Variants in DEFB107B observed in about 807,000 individuals in gnomAD.
DEFB107B encodes beta-defensin 107.
intron 1 of DEFB107B, among the ~76,000 whole-genome samples, chr8:7,499,188 T>C (rs1206443263): frequency 3.9e-5 from 1 of 25,872 alleles, no homozygotes; most frequent in African/African-American, 7.2e-5. Flanking sequence ...GTCCCAGTGA[T>C]GCTCAGAGTC....
At chr8:7,507,857 T>C (rs906735377) in intron 1 of DEFB107B, among the ~76,000 whole-genome samples, 1 of 145,948 alleles carries the variant, frequency 6.9e-6, no homozygotes, top group African/African-American at 2.7e-5. Context: ...TAAGTATTCA[T>C]GTGTCCAGCT....
rs1275629162 is a variant in DEFB107B at position 7,496,613 on chromosome 8, G to C, written c.70+610G>C. On this transcript the variant is annotated intron_variant, in intron 1 of 1. Transcript: ENST00000355602. ...CCGCGCCTGGCCAGCATATTCTAAA[G>C]TGATTTCTTTAAAATGAAAAAAAAA... is the stretch of plus-strand genomic sequence containing the variant. 8.8e-5 allele frequency among the ~76,000 whole-genome samples: 11 copies of C among 124,956 alleles called. No individual in the cohort carries two copies. The East Asian group carries it at 2.4e-3, about 27-fold the overall frequency. 82.0% of individuals were successfully genotyped at this position (124,956 alleles called of 152,430 possible). A position where few individuals can be genotyped will look rare whatever the true frequency, so the allele number is the denominator to read the frequency against.
chr8:7,497,505 A>G (rs1393061462), intron 1 of DEFB107B, among the ~76,000 whole-genome samples: 2 of 152,134 alleles, frequency 1.3e-5, no homozygotes, highest in Admixed American at 6.5e-5. Context: ...AATAGGCAAG[A>G]CTAGAACTAA....
chr8:7,498,680 C>G (rs2128882986), intron 1 of DEFB107B, among the ~76,000 whole-genome samples: 2 of 16,764 alleles, frequency 1.2e-4, no homozygotes, highest in Middle Eastern at 0.028. Context: ...TGAGTTGACA[C>G]AGCACACGTT....
At position 7,496,383 on chromosome 8, in the gene DEFB107B, T is replaced by C. The variant is rs1187794760; in HGVS notation, c.70+380T>C. 6.8e-5 allele frequency among the ~76,000 whole-genome samples: 7 copies of C among 103,554 alleles called. No homozygotes were observed. The East Asian group carries it at 2.4e-3, about 35-fold the overall frequency. 67.9% of individuals were successfully genotyped at this position (103,554 alleles called of 152,430 possible). On this transcript the variant is annotated intron_variant, in intron 1 of 1. Transcript: ENST00000355602. ...GGTGCGATCTTGGCTCACTGCAAGC[T>C]CTGCCTCCCAGGTTCATGCCATTCT...
chr8:7,506,928 C>T (rs138225411), intron 1 of DEFB107B, among the ~76,000 whole-genome samples: 458 of 15,164 alleles, frequency 0.03, 202 homozygotes, highest in African/African-American at 0.063. Context: ...AGACCCTTTA[C>T]GGGTATCGGG....
At chr8:7,507,740 T>C (rs1291123901) in intron 1 of DEFB107B, among the ~76,000 whole-genome samples, 2 of 133,552 alleles carry the variant, frequency 1.5e-5, no homozygotes, top group African/African-American at 6.5e-5. Flanking sequence ...TAGAACCTGA[T>C]TAAGATTACA....
At chr8:7,496,669 A>T in intron 1 of DEFB107B, among the ~76,000 whole-genome samples, 1 of 126,188 alleles carries the variant, frequency 7.9e-6, no homozygotes, top group Non-Finnish European at 1.6e-5. Context: ...TTATCCAAGG[A>T]AATGCCAAAC....
At chr8:7,496,555 C>T (rs1811751035) in intron 1 of DEFB107B, among the ~76,000 whole-genome samples, 1 of 151,182 alleles carries the variant, frequency 6.6e-6, no homozygotes, top group Admixed American at 6.6e-5. Flanking sequence ...CCTCCTCGGC[C>T]TCCCAGAGCC....
At chr8:7,508,199 A>C (rs1466049608) in intron 1 of DEFB107B, among the ~76,000 whole-genome samples, 3 of 140,956 alleles carry the variant, frequency 2.1e-5, no homozygotes, top group Non-Finnish European at 4.5e-5. Context: ...ACTATTCAAA[A>C]ATTTCTCCTT....
chr8:7,496,491 G>GA (rs1244597428), intron 1 of DEFB107B, among the ~76,000 whole-genome samples: 1 of 151,876 alleles, frequency 6.6e-6, no homozygotes, highest in Non-Finnish European at 1.5e-5. Context: ...TAGTAGAGAC[G>GA]GGGTTTCACC....
chr8:7,497,286 G>C (rs1293962160), intron 1 of DEFB107B, among the ~76,000 whole-genome samples: 1 of 152,210 alleles, frequency 6.6e-6, no homozygotes, highest in Non-Finnish European at 1.5e-5. Flanking sequence ...TGCTTGTAGT[G>C]GTAAATAAGC....
rs1241002224 is a variant in DEFB107B at position 7,496,369 on chromosome 8, G to A, written c.70+366G>A. Among the ~76,000 whole-genome samples, 8 of 91,944 alleles carry A rather than the reference G, an allele frequency of 8.7e-5. No individual in the cohort carries two copies. In the South Asian group the frequency reaches 1.5e-3, roughly 17 times the overall value. The allele number at this position is 91,944 out of a possible 152,430, so 60.3% of individuals were successfully genotyped here. On this transcript the variant is annotated intron_variant, in intron 1 of 1. Transcript: ENST00000355602. ...GGCTGGAGTGCAGTGGTGCGATCTT[G>A]GCTCACTGCAAGCTCTGCCTCCCAG...
At chr8:7,497,697 T>A (rs1293905649) in intron 1 of DEFB107B, among the ~76,000 whole-genome samples, 7 of 147,352 alleles carry the variant, frequency 4.8e-5, no homozygotes, top group African/African-American at 1.7e-4. Context: ...GTACTCCAAT[T>A]TATTCAGATC....
chr8:7,508,079 A>ATGTGTGTG lies in DEFB107B; in HGVS notation c.71-1001_71-1000insGTGTGTGT, dbSNP rs200848932. Reference sequence around the variant, plus strand: ...ACACCCTATACATGTATATATATATATATATGTGTGTGTGTGTGTATGTGT... The same window carrying ATGTGTGTG: ...ACACCCTATACATGTATATATATATATGTGTGTGTATATGTGTGTGTGTGTGTATGTGT... On this transcript the variant is annotated intron_variant, in intron 1 of 1. Transcript: ENST00000355602. 6.0e-3 allele frequency among the ~76,000 whole-genome samples: 168 copies of ATGTGTGTG among 27,982 alleles called. 1 individual carries two copies. Among genetic ancestry groups the ATGTGTGTG allele is most frequent in the Admixed American group, 0.024 (59 of 2,420 alleles). The allele number at this position is 27,982 out of a possible 152,430, so 18.4% of individuals were successfully genotyped here. A position where few individuals can be genotyped will look rare whatever the true frequency, so the allele number is the denominator to read the frequency against.
intron 1 of DEFB107B, among the ~76,000 whole-genome samples, chr8:7,508,289 A>C (rs1811995427): frequency 7.2e-6 from 1 of 138,914 alleles, no homozygotes; most frequent in Non-Finnish European, 1.5e-5. Flanking sequence ...AATATATTCC[A>C]CATGATAATA....
intron 1 of DEFB107B, among the ~76,000 whole-genome samples, chr8:7,497,366 T>C (rs1400395895): frequency 6.6e-6 from 1 of 152,246 alleles, no homozygotes; most frequent in Non-Finnish European, 1.5e-5. Context: ...AACTTTAATA[T>C]GAAACAGTTT....
At chr8:7,507,894 T>C (rs1431158394) in intron 1 of DEFB107B, among the ~76,000 whole-genome samples, 3 of 146,710 alleles carry the variant, frequency 2.0e-5, no homozygotes. Flanking sequence ...TGACTAAAAG[T>C]CTGAAGGTAA....
At chr8:7,497,222 C>G (rs1314637753) in intron 1 of DEFB107B, among the ~76,000 whole-genome samples, 1 of 151,682 alleles carries the variant, frequency 6.6e-6, no homozygotes, top group Non-Finnish European at 1.5e-5. Flanking sequence ...GGACATTGAC[C>G]TTAATTTGCT....
Sources: gnomAD v4.1 joint callset for allele counts (sites outside exome capture counted in the v4.1 genomes callset) on GRCh38, gnomAD v4.1.1 for gene constraint, MANE v1.5 for transcripts, NCBI Gene and HGNC (gene_info 2026-07-23, HGNC 2026-07-21) for gene names.